NEBL: variants seen among roughly 807,000 people sequenced by gnomAD.
NEBL encodes nebulette, also known as LIM and SH3 protein 2.
A neutral mutation model predicts 140.2 loss-of-function variants in NEBL; 122 were observed. The observed-to-expected ratio is 0.87, with a 90% CI of 0.75 to 1.01. The LOEUF is 1.01. NEBL is among the 50% of genes least tolerant of loss of function. The pLI is 0.00. For synonymous variants in NEBL, 436 were observed against 398.9 expected, an observed-to-expected ratio of 1.09 and a Z score of -1.11; for missense variants, 1,365 against 1,231.3, an observed-to-expected ratio of 1.11 and a Z score of -1.62.
intron 2 of NEBL, chr10:21,029,197 C>G (rs1165358625): frequency 2.1e-6 from 3 of 1,414,228 alleles, no homozygotes; most frequent in Middle Eastern, 2.4e-4. Flanking sequence ...TAGGGCGCCT[C>G]CAATTGACCA....
chr10:20,882,844 C>T (rs1471857783), intron 4 of NEBL, among the ~76,000 whole-genome samples: 1 of 152,138 alleles, frequency 6.6e-6, no homozygotes, highest in Non-Finnish European at 1.5e-5. Context: ...TCAACCTTGG[C>T]CACCACAGCC....
At chr10:20,968,988 T>G (rs1266355222) in intron 3 of NEBL, among the ~76,000 whole-genome samples, 1 of 152,214 alleles carries the variant, frequency 6.6e-6, no homozygotes, top group Non-Finnish European at 1.5e-5. Flanking sequence ...TGCTTCTTTC[T>G]CTCTCACTGC....
At chr10:21,193,373 C>G (rs530502617) in intron 3 of NEBL, among the ~76,000 whole-genome samples, 1 of 152,104 alleles carries the variant, frequency 6.6e-6, no homozygotes, top group African/African-American at 2.4e-5. Context: ...CTGAAATGGT[C>G]GGAAACCAGC....
intron 4 of NEBL, among the ~76,000 whole-genome samples, chr10:20,961,351 T>A (rs549781826): frequency 9.2e-5 from 14 of 152,314 alleles, no homozygotes; most frequent in African/African-American, 3.1e-4. Flanking sequence ...GTATATTTTA[T>A]ATGCTTATCC....
intron 3 of NEBL, among the ~76,000 whole-genome samples, chr10:21,206,275 A>AATGTATAC (rs1274069381): frequency 6.6e-6 from 1 of 152,222 alleles, no homozygotes; most frequent in Non-Finnish European, 1.5e-5. Context: ...AATTAAAGCA[A>AATGTATAC]ATGTATACAT....
In NEBL at chr10:20,880,877, C is replaced by A; in HGVS notation, c.397G>T (p.Ala133Ser). Residue 133 changes from alanine to serine, a missense_variant, in exon 5 of 28, where the codon GCC becomes TCC. Coordinates refer to ENST00000377122, the MANE Select transcript of NEBL (RefSeq NM_006393.3). ...TGGGCATAATCTGAGAATCCTTTGG[C>A]AGCATCATGTTTCTGCTTGTAGGCC... ...EVAYKQKHDA[A>S]KGFSDYAHMK... The A allele has an allele frequency of 6.2e-7, 1 of 1,614,066 alleles. No individual in the cohort carries two copies. The highest frequency in any genetic ancestry group is 8.5e-7 in the Non-Finnish European group (1 of 1,179,992).
At chr10:21,069,065 T>C (rs1285816192) in intron 2 of NEBL, among the ~76,000 whole-genome samples, 3 of 152,160 alleles carry the variant, frequency 2.0e-5, no homozygotes, top group Middle Eastern at 3.2e-3. Flanking sequence ...CTTTTTATAT[T>C]TTTTGTAGAG....
chr10:20,873,889 T>G (rs1845224836), intron 5 of NEBL, among the ~76,000 whole-genome samples: 1 of 152,200 alleles, frequency 6.6e-6, no homozygotes, highest in South Asian at 2.1e-4. Flanking sequence ...TTCCTCCATT[T>G]CTTCGAATAT....
chr10:20,932,730 T>A (rs1834255748), intron 4 of NEBL, among the ~76,000 whole-genome samples: 1 of 152,252 alleles, frequency 6.6e-6, no homozygotes, highest in South Asian at 2.1e-4. Context: ...CATAAAACCA[T>A]TTTATTTGTC....
chr10:20,981,087 GC>G (rs142814950), intron 3 of NEBL, among the ~76,000 whole-genome samples: 5,156 of 152,152 alleles, frequency 0.034, 101 homozygotes, highest in Middle Eastern at 0.054. Flanking sequence ...ACTGTGCCCA[GC>G]CCCAACAAAT....
intron 3 of NEBL, among the ~76,000 whole-genome samples, chr10:20,972,914 T>C (rs962850510): frequency 6.6e-6 from 1 of 152,178 alleles, no homozygotes. Context: ...ATAAATCTCC[T>C]AGAATTTTTT....
At chr10:21,034,349 C>A (rs1178507251) in intron 2 of NEBL, among the ~76,000 whole-genome samples, 2 of 152,058 alleles carry the variant, frequency 1.3e-5, no homozygotes, top group African/African-American at 4.8e-5. Context: ...ACCACTACCA[C>A]CGGCATACTG....
intron 26 of NEBL, among the ~76,000 whole-genome samples, chr10:20,806,355 C>T (rs1837618211): frequency 6.6e-6 from 1 of 152,184 alleles, no homozygotes; most frequent in Non-Finnish European, 1.5e-5. Flanking sequence ...GCGGCCTCCT[C>T]TTCTAAACTC....
intron 2 of NEBL, among the ~76,000 whole-genome samples, 179 bp downstream of exon 2, chr10:20,896,779 C>T (rs140883897): frequency 1.1e-3 from 168 of 152,078 alleles, no homozygotes; most frequent in African/African-American, 3.9e-3. Flanking sequence ...AGCAGAAATT[C>T]TCTGTATAGG....
At chr10:21,169,967 T>C (rs1841003004) in intron 2 of NEBL, among the ~76,000 whole-genome samples, 1 of 152,178 alleles carries the variant, frequency 6.6e-6, no homozygotes, top group Non-Finnish European at 1.5e-5. Flanking sequence ...CATTTCCTTT[T>C]GGGGCCCACA....
intron 2 of NEBL, among the ~76,000 whole-genome samples, chr10:21,082,761 ATT>A (rs71392113): frequency 5.5e-5 from 6 of 109,530 alleles, no homozygotes; most frequent in African/African-American, 2.0e-4. Context: ...GGAGGGATGC[ATT>A]TTTTTTTTTT....
intron 3 of NEBL, among the ~76,000 whole-genome samples, chr10:21,239,811 T>C (rs1842413918): frequency 6.6e-6 from 1 of 151,814 alleles, no homozygotes; most frequent in Non-Finnish European, 1.5e-5. Flanking sequence ...GGTCAGGAGA[T>C]CAAGACCATC....
rs548050052 is a variant in NEBL at position 21,068,667 on chromosome 10, C to G, written c.165-48466G>C. On this transcript the variant is annotated intron_variant, in intron 2 of 6. Transcript: ENST00000417816. ...GCTGTCAGCTACTAAGCCAGTACAC[C>G]CTCTTTTCTGCTCTAGGTAGTTGGT... Among the ~76,000 whole-genome samples the G allele has an allele frequency of 3.9e-5, 6 of 152,274 alleles. No homozygotes were observed. The South Asian group carries it at 1.2e-3, about 32-fold the overall frequency.
At chr10:21,052,275 G>C (rs1834811047) in intron 2 of NEBL, among the ~76,000 whole-genome samples, 1 of 152,148 alleles carries the variant, frequency 6.6e-6, no homozygotes, top group Non-Finnish European at 1.5e-5. Flanking sequence ...GTCAACACTG[G>C]GAAGAGAGAG....
Sources: gnomAD v4.1 joint callset for allele counts (sites outside exome capture counted in the v4.1 genomes callset) on GRCh38, gnomAD v4.1.1 for gene constraint, MANE v1.5 for transcripts, NCBI Gene and HGNC (gene_info 2026-07-23, HGNC 2026-07-21) for gene names.